The following AP3B1 variants were observed in gnomAD, a reference collection of about 807,000 sequenced individuals.
The protein encoded by AP3B1 is AP-3 complex subunit beta-1.
AP3B1 carries 61 observed loss-of-function variants against 132.5 expected under a neutral mutation model. The ratio of observed to expected loss-of-function variants is 0.46; its 90% CI spans 0.37 to 0.57. The LOEUF (loss-of-function observed/expected upper bound fraction) is 0.57, where lower values mean the gene tolerates loss of function less well. Ranked by LOEUF, AP3B1 falls within the 20% of genes least tolerant of loss-of-function variation. The probability of loss-of-function intolerance (pLI) is 0.00; values close to 1 mark genes in which losing one functional copy is unlikely to be tolerated. For synonymous variants in AP3B1, 388 were observed against 438.3 expected, an observed-to-expected ratio of 0.89 and a Z score of 1.43; for missense variants, 1,120 against 1,289.4, an observed-to-expected ratio of 0.87 and a Z score of 2.01.
At chr5:78,003,139 C>T (rs1380579717) in intron 26 of AP3B1, 84 bp from the exon 27 acceptor site, 2 of 1,471,458 alleles carry the variant, frequency 1.4e-6, no homozygotes, top group Non-Finnish European at 1.9e-6. Context: ...ATTAAAATAA[C>T]TCTTTTTTGT....
At chr5:78,035,230 A>T (rs1206980958) in intron 23 of AP3B1, among the ~76,000 whole-genome samples, 1 of 151,994 alleles carries the variant, frequency 6.6e-6, no homozygotes, top group Non-Finnish European at 1.5e-5. Flanking sequence ...TTGAAAGTTT[A>T]GCTATATCTT....
chr5:78,196,060 T>C (rs1580472435), intron 7 of AP3B1, among the ~76,000 whole-genome samples: 1 of 152,096 alleles, frequency 6.6e-6, no homozygotes, highest in South Asian at 2.1e-4. Context: ...ACTTTTGCTA[T>C]GCAAAAGACA....
At chr5:78,210,692 T>TA (rs1236220524) in intron 7 of AP3B1, among the ~76,000 whole-genome samples, 1 of 152,158 alleles carries the variant, frequency 6.6e-6, no homozygotes, top group Non-Finnish European at 1.5e-5. Context: ...AGTTCAGTTG[T>TA]AAAAAGCTAG....
chr5:78,193,664 T>G, intron 7 of AP3B1, among the ~76,000 whole-genome samples: 1 of 146,400 alleles, frequency 6.8e-6, no homozygotes, highest in Non-Finnish European at 1.5e-5. Context: ...ATATACATAT[T>G]TATATATATT....
intron 1 of AP3B1, among the ~76,000 whole-genome samples, chr5:78,268,336 T>C (rs977666263): frequency 6.6e-6 from 1 of 152,150 alleles, no homozygotes; most frequent in Non-Finnish European, 1.5e-5. Context: ...AATGACTATG[T>C]ATACTTTTAT....
At chr5:78,084,518 T>C (rs927853710) in intron 22 of AP3B1, among the ~76,000 whole-genome samples, 2 of 72,268 alleles carry the variant, frequency 2.8e-5, no homozygotes, top group African/African-American at 1.6e-4. Flanking sequence ...AGCCAGACCC[T>C]GTCAAAAAAA....
intron 1 of AP3B1, among the ~76,000 whole-genome samples, chr5:78,285,295 C>T (rs1449684092): frequency 6.6e-6 from 1 of 152,034 alleles, no homozygotes; most frequent in African/African-American, 2.4e-5. Flanking sequence ...TTCCTTCTCT[C>T]TTGAGCCCAC....
intron 8 of AP3B1, 67 bp from the exon 9 acceptor site, chr5:78,177,503 T>G: frequency 9.1e-7 from 1 of 1,098,606 alleles, no homozygotes. Flanking sequence ...TCAAAATCCA[T>G]TCCTACACAT....
intron 22 of AP3B1, chr5:78,042,594 T>G (rs1486104296): frequency 5.1e-6 from 1 of 194,736 alleles, no homozygotes; most frequent in Admixed American, 4.8e-5. Flanking sequence ...CCTTGTCTTC[T>G]GCCACCTCAG....
chr5:78,070,039 C>G (rs1449438704), intron 22 of AP3B1, among the ~76,000 whole-genome samples: 4 of 152,130 alleles, frequency 2.6e-5, no homozygotes, highest in Non-Finnish European at 4.4e-5. Flanking sequence ...GGAAAACTGG[C>G]TAGCCATATC....
rs79932334 is a variant in AP3B1 at position 78,181,594 on chromosome 5, G to A, written c.855C>T (p.Asp285=). ...ESDDDQKEKT[D]KKKKPYTMDP... is the part of the protein sequence containing the mutation. Reference sequence around the variant, plus strand: ...CCATAGTATACGGCTTCTTCTTTTTGTCAGTCTTTTCCTTCTGATCATCAT... The same window carrying A: ...CCATAGTATACGGCTTCTTCTTTTTATCAGTCTTTTCCTTCTGATCATCAT... Residue 285 remains aspartate (D), a synonymous_variant, in exon 8 of 27, where the codon GAC becomes GAT. Coordinates refer to ENST00000255194, the MANE Select transcript of AP3B1 (RefSeq NM_003664.5). The A allele has an allele frequency of 4.3e-6, 7 of 1,612,048 alleles. No individual in the cohort carries two copies. Among genetic ancestry groups the A allele is most frequent in the African/African-American group, 2.7e-5 (2 of 74,800 alleles).
At chr5:78,101,612 C>T (rs1181768318) in intron 20 of AP3B1, among the ~76,000 whole-genome samples, 2 of 152,060 alleles carry the variant, frequency 1.3e-5, no homozygotes, top group Admixed American at 1.3e-4. Flanking sequence ...ACTTGATCTA[C>T]TGTTTTGTTG....
intron 15 of AP3B1, among the ~76,000 whole-genome samples, chr5:78,133,623 A>G (rs1752774418): frequency 6.6e-6 from 1 of 152,222 alleles, no homozygotes; most frequent in South Asian, 2.1e-4. Flanking sequence ...TGACATTTTA[A>G]TATCACCAGA....
At chr5:78,064,863 T>G (rs1749213926) in intron 22 of AP3B1, among the ~76,000 whole-genome samples, 1 of 152,130 alleles carries the variant, frequency 6.6e-6, no homozygotes, top group South Asian at 2.1e-4. Flanking sequence ...TTGATGGGAA[T>G]AATTCTCTCA....
chr5:78,121,371 G>GAA (rs573435592), intron 17 of AP3B1, among the ~76,000 whole-genome samples: 82 of 151,718 alleles, frequency 5.4e-4, no homozygotes, highest in African/African-American at 2.0e-3. Context: ...AATAGAGACA[G>GAA]AAAAAACCCT....
chr5:78,227,541 A>G lies in AP3B1; in HGVS notation c.376-9T>C. On this transcript the variant is annotated splice_polypyrimidine_tract_variant and intron_variant, in intron 4 of 26. Transcript: ENST00000255194. The stretch of plus-strand genomic sequence containing the variant: ...ATTAGTTGGTTTGGGTCCTAAAAAT[A>G]GTGCAAAAATATTCACCAAAATTTC... 6.2e-7 allele frequency: 1 copy of G among 1,613,518 alleles called. No individual in the cohort carries two copies. The highest frequency in any genetic ancestry group is 1.1e-5 in the South Asian group (1 of 91,066).
At chr5:78,098,480 A>C (rs1328083998) in intron 21 of AP3B1, among the ~76,000 whole-genome samples, 9 of 152,084 alleles carry the variant, frequency 5.9e-5, no homozygotes, top group Admixed American at 5.9e-4. Context: ...TGTAACATTT[A>C]CTCTTAGTTC....
intron 13 of AP3B1, among the ~76,000 whole-genome samples, chr5:78,157,925 A>G (rs1743221592): frequency 6.6e-6 from 1 of 151,904 alleles, no homozygotes; most frequent in Non-Finnish European, 1.5e-5. Flanking sequence ...TAATTTTTGT[A>G]TTTTTAGTAG....
intron 11 of AP3B1, among the ~76,000 whole-genome samples, chr5:78,166,231 C>A (rs1408319717): frequency 6.6e-6 from 1 of 151,676 alleles, no homozygotes; most frequent in Non-Finnish European, 1.5e-5. Context: ...CTTAGTCTAC[C>A]TTCTTATGTC....
Sources: gnomAD v4.1 joint callset for allele counts (sites outside exome capture counted in the v4.1 genomes callset) on GRCh38, gnomAD v4.1.1 for gene constraint, MANE v1.5 for transcripts, NCBI Gene and HGNC (gene_info 2026-07-23, HGNC 2026-07-21) for gene names.